The following EWSR1 variants were observed in gnomAD, a reference collection of about 807,000 sequenced individuals.
The protein encoded by EWSR1 is RNA-binding protein EWS.
In EWSR1, 14 loss-of-function variants were observed where a neutral mutation model predicts 92.1. The observed-to-expected ratio is 0.15, with a 90% CI of 0.10 to 0.24. EWSR1 has a LOEUF of 0.24. EWSR1 is among the 10% of genes least tolerant of loss of function. EWSR1 has a pLI of 1.00. For synonymous variants in EWSR1, 303 were observed against 292.9 expected (o/e 1.03, Z -0.35); for missense variants, 637 against 870.9 (o/e 0.73, Z 3.38).
At chr22:29,274,311 G>A in intron 4 of EWSR1, 1 of 1,612,762 alleles carries the variant, frequency 6.2e-7, no homozygotes, top group Non-Finnish European at 8.5e-7. Context: ...TTCTTGCATG[G>A]GAAATGCTTT....
At chr22:29,278,818 C>T (rs575833172) in intron 5 of EWSR1, among the ~76,000 whole-genome samples, 324 of 136,292 alleles carry the variant, frequency 2.4e-3, no homozygotes, top group Non-Finnish European at 3.1e-3. Context: ...TAGCAAGACT[C>T]GGTCTCAAAA....
At chr22:29,291,067 T>C (rs1398057262) in intron 8 of EWSR1, 1 of 236,362 alleles carries the variant, frequency 4.2e-6, no homozygotes, top group Non-Finnish European at 8.3e-6. Context: ...TCCTCTGATG[T>C]GTGTTGTAGG....
At chr22:29,280,679 T>TTG (rs1879826233) in intron 5 of EWSR1, among the ~76,000 whole-genome samples, 1 of 151,204 alleles carries the variant, frequency 6.6e-6, no homozygotes. Context: ...GGTTGGTTTT[T>TTG]TTTTTTTTTT....
chr22:29,288,799 C>G lies in EWSR1; in HGVS notation c.974+13C>G. ...GCGGTGGAATGGGGTAAGAGCAAAC[C>G]TTTTCTCCTTTTACCTAATTTTGTT... On this transcript the variant is annotated intron_variant, in intron 8 of 16. Transcript: ENST00000397938. The G allele has an allele frequency of 6.4e-7, 1 of 1,570,008 alleles. No individual in the cohort carries two copies. Among genetic ancestry groups the G allele is most frequent in the East Asian group, 2.3e-5 (1 of 43,360 alleles).
intron 5 of EWSR1, 40 bp from the exon 6 acceptor site, chr22:29,282,350 A>G (rs545290762): frequency 6.7e-7 from 1 of 1,501,582 alleles, no homozygotes; most frequent in Non-Finnish European, 8.8e-7. Flanking sequence ...CCACACAAAA[A>G]AAGTCACTTT....
rs758364307 is a variant in EWSR1, at chr22:29,287,092, C to G, written c.751C>G (p.Pro251Ala). Residue 251 changes from proline (P) to alanine (A), a missense_variant, in exon 7 of 17, where the codon CCA (proline) becomes GCA (alanine). Around this residue, in one of 5 missense-constraint regions of EWSR1, gnomAD observed 116 missense variants for 167.8 expected, o/e 0.69. Coordinates refer to ENST00000397938, the MANE Select transcript of EWSR1 (RefSeq NM_005243.4). ...PPQTGSYSQA[P>A]SQYSQQSSSY... Reference sequence around the variant, plus strand: ...CCAAACTGGATCCTACAGCCAAGCTCCAAGTCAATATAGCCAACAGAGCAG... The same window carrying G: ...CCAAACTGGATCCTACAGCCAAGCTGCAAGTCAATATAGCCAACAGAGCAG... The G allele has an allele frequency of 1.9e-6, 3 of 1,613,936 alleles. No individual in the cohort carries two copies. Among genetic ancestry groups the G allele is most frequent in the African/African-American group, 1.3e-5 (1 of 74,906 alleles).
intron 4 of EWSR1, chr22:29,275,914 CTTTTGTTT>C (rs1041177297): frequency 9.5e-5 from 21 of 221,462 alleles, no homozygotes; most frequent in Middle Eastern, 2.6e-3. Flanking sequence ...TGCCACTGGT[CTTTTGTTT>C]TTTTGTTTTT....
chr22:29,273,732 T>A lies in EWSR1; in HGVS notation c.103-9T>A. 1 of 1,601,944 alleles carries A rather than the reference T, an allele frequency of 6.2e-7. No individual in the cohort carries two copies. The highest frequency in any genetic ancestry group is 8.5e-7 in the Non-Finnish European group (1 of 1,176,980). ...ATGAAGTTCTTGCATTCGTTTTTTT[T>A]TGGAGCAGGCATATGGGCAACAAAG... On this transcript the variant is annotated splice_polypyrimidine_tract_variant and intron_variant, in intron 3 of 16. Transcript: ENST00000397938.
In EWSR1 at chr22:29,292,424, C is replaced by G. The variant is rs1957111878; in HGVS notation, c.1046-64C>G. 8.4e-6 allele frequency: 9 copies of G among 1,073,820 alleles called. No individual in the cohort carries two copies. The South Asian group carries it at 1.0e-4, about 12-fold the overall frequency. 66.5% of individuals were successfully genotyped at this position (1,073,820 alleles called of 1,614,324 possible). A position where few individuals can be genotyped will look rare whatever the true frequency, so the allele number is the denominator to read the frequency against. Reference sequence around the variant, plus strand: ...ATGAATATCCTTGGGCAGTAGTGATCAGGTAGTTAAGAAACCCCTATAGAT... The same window carrying G: ...ATGAATATCCTTGGGCAGTAGTGATGAGGTAGTTAAGAAACCCCTATAGAT... On this transcript the variant is annotated intron_variant, in intron 10 of 16. Transcript: ENST00000397938.
intron 6 of EWSR1, 64 bp downstream of exon 6, chr22:29,282,621 C>A: frequency 7.1e-7 from 1 of 1,407,228 alleles, no homozygotes; most frequent in South Asian, 1.6e-5. Flanking sequence ...GGTTGTTGAC[C>A]AGCTTGCTTT....
At chr22:29,280,293 C>G (rs1328725693) in intron 5 of EWSR1, among the ~76,000 whole-genome samples, 1 of 152,138 alleles carries the variant, frequency 6.6e-6, no homozygotes, top group Non-Finnish European at 1.5e-5. Context: ...GTCTCGAACT[C>G]GTGACCTCAA....
At chr22:29,298,077 T>A in intron 13 of EWSR1, 128 bp downstream of exon 13, 1 of 1,062,264 alleles carries the variant, frequency 9.4e-7, no homozygotes, top group Non-Finnish European at 1.3e-6. Flanking sequence ...TATCGAGAGC[T>A]AACAATGAAT....
At chr22:29,283,660 G>A (rs1482992724) in intron 6 of EWSR1, among the ~76,000 whole-genome samples, 1 of 150,328 alleles carries the variant, frequency 6.7e-6, no homozygotes, top group Non-Finnish European at 1.5e-5. Flanking sequence ...TGAGTAGCTG[G>A]GATTACAAGT....
At chr22:29,273,635 C>G (rs2058866178) in intron 3 of EWSR1, 106 bp from the exon 4 acceptor site, 4 of 1,298,994 alleles carry the variant, frequency 3.1e-6, no homozygotes, top group Non-Finnish European at 4.3e-6. Context: ...TTTTAATCTT[C>G]TAGAAAGGAA....
Position 29,297,032 on chromosome 22 carries a change from G to A in EWSR1, c.1294+664G>A, listed in dbSNP as rs536934021. Among the ~76,000 whole-genome samples the A allele has an allele frequency of 3.3e-5, 5 of 152,240 alleles. No individual in the cohort carries two copies. In the South Asian group the frequency reaches 8.3e-4, roughly 25 times the overall value. On this transcript the variant is annotated intron_variant, in intron 12 of 16. Transcript: ENST00000397938. ...ACCACTGCACTCCAACCTGGGCAAC[G>A]GAGCAAGACTCTGTCTCAAAGAAAG...
At chr22:29,273,699 G>A (rs1354672069) in intron 3 of EWSR1, 42 bp from the exon 4 acceptor site, 1 of 1,591,066 alleles carries the variant, frequency 6.3e-7, no homozygotes, top group Non-Finnish European at 8.5e-7. Context: ...AAATACAAAA[G>A]TTCATGTATG....
intron 5 of EWSR1, among the ~76,000 whole-genome samples, chr22:29,280,242 A>G (rs1449344814): frequency 1.3e-5 from 2 of 151,938 alleles, no homozygotes; most frequent in Admixed American, 1.3e-4. Flanking sequence ...TAATTTTTGT[A>G]TTTTTAGTAG....
chr22:29,274,009 T>C (rs1436858178), intron 4 of EWSR1, 145 bp downstream of exon 4: 1 of 1,125,526 alleles, frequency 8.9e-7, no homozygotes, highest in Non-Finnish European at 1.2e-6. Flanking sequence ...GTATTTTTTC[T>C]CTTTCTTCCC....
chr22:29,274,930 TAA>T (rs2058984843), intron 4 of EWSR1, among the ~76,000 whole-genome samples: 1 of 152,226 alleles, frequency 6.6e-6, no homozygotes, highest in African/African-American at 2.4e-5. Context: ...AATAAAGTCT[TAA>T]AGATATCAGA....
Sources: gnomAD v4.1 joint callset for allele counts (sites outside exome capture counted in the v4.1 genomes callset) on GRCh38, gnomAD v4.1.1 for gene constraint, gnomAD v4.1.1 regional missense constraint, MANE v1.5 for transcripts, NCBI Gene and HGNC (gene_info 2026-07-23, HGNC 2026-07-21) for gene names.